Variants in RASAL1 observed in about 807,000 individuals in gnomAD.
RASAL1 encodes rasGAP-activating-like protein 1.
RASAL1 carries 72 observed loss-of-function variants against 96.6 expected under a neutral mutation model. The ratio of observed to expected loss-of-function variants is 0.75; its 90% CI spans 0.62 to 0.91. The LOEUF is 0.91. Ranked by LOEUF, RASAL1 falls within the 40% of genes least tolerant of loss-of-function variation. The pLI is 0.00. For synonymous variants in RASAL1, 405 were observed against 430.4 expected, an observed-to-expected ratio of 0.94 and a Z score of 0.73; for missense variants, 1,016 against 1,072.5, an observed-to-expected ratio of 0.95 and a Z score of 0.74.
chr12:113,136,191 G>A (rs1355462551), upstream of RASAL1: 2 of 152,234 alleles, frequency 1.3e-5, no homozygotes, highest in Non-Finnish European at 2.9e-5. Context: ...AGTCAAGGGA[G>A]GGGCCTTGAA....
At chr12:113,127,977 C>T (rs1359157101) in intron 3 of RASAL1, 88 bp downstream of exon 3, 22 of 1,545,586 alleles carry the variant, frequency 1.4e-5, no homozygotes, top group South Asian at 4.6e-5. Context: ...GGCACACCCT[C>T]GTGGGCTGTG....
chr12:113,117,646 T>C (rs899572221), intron 7 of RASAL1, among the ~76,000 whole-genome samples: 3 of 152,166 alleles, frequency 2.0e-5, no homozygotes, highest in African/African-American at 7.2e-5. Flanking sequence ...TTCACAGACT[T>C]ACCGCAATTA....
At chr12:113,136,469 T>TTTATCCATA (rs1364973269), upstream of RASAL1, among the ~76,000 whole-genome samples, 1 of 152,172 alleles carries the variant, frequency 6.6e-6, no homozygotes, top group East Asian at 1.9e-4. Context: ...TACCCCATTA[T>TTTATCCATA]CCGCAGTTTA....
At chr12:113,114,776 T>A in intron 12 of RASAL1, 24 bp downstream of exon 12, 1 of 1,598,310 alleles carries the variant, frequency 6.3e-7, no homozygotes, top group Non-Finnish European at 8.6e-7. Context: ...CGTCGGAAGG[T>A]CAGGGTCCTC....
chr12:113,105,016 T>C (rs1592888385), intron 16 of RASAL1, among the ~76,000 whole-genome samples: 1 of 152,374 alleles, frequency 6.6e-6, no homozygotes. Flanking sequence ...AGGTCACTCA[T>C]TGGGTGGACC....
At chr12:113,114,689 G>A (rs1951008949) in intron 12 of RASAL1, 111 bp downstream of exon 12, 3 of 853,530 alleles carry the variant, frequency 3.5e-6, no homozygotes, top group Admixed American at 3.7e-5. Context: ...GAGCTCCTGA[G>A]CAGCTGTAGC....
rs746829200 is a variant in RASAL1 at position 113,108,165 on chromosome 12, T to C, written c.1432A>G (p.Ile478Val). Residue 478 changes from isoleucine to valine, a missense_variant, in exon 14 of 21, where the codon ATC becomes GTC. By Grantham distance (29) the Ile-to-Val change is conservative (BLOSUM62 3). Transcript: ENST00000548055. ...AGGTCAAACAGCTTTGGGGTAAGGATGGCAGGTGCGAAGAATCGCAAGAAG... is the reference window on the plus strand; with the variant it reads ...AGGTCAAACAGCTTTGGGGTAAGGACGGCAGGTGCGAAGAATCGCAAGAAG... Reference protein sequence around the residue: ...FLFLRFFAPAILTPKLFDLRD... With the variant: ...FLFLRFFAPAVLTPKLFDLRD... 2 of 1,613,774 alleles carry C rather than the reference T, an allele frequency of 1.2e-6. No individual in the cohort carries two copies. The highest frequency in any genetic ancestry group is 1.7e-5 in the Admixed American group (1 of 59,934).
intron 14 of RASAL1, 104 bp from the exon 15 acceptor site, chr12:113,107,345 G>A (rs1025640416): frequency 2.3e-5 from 30 of 1,325,116 alleles, no homozygotes; most frequent in East Asian, 1.0e-4. Context: ...TCATATTGCC[G>A]GGCACAGTGG....
At position 113,109,681 on chromosome 12, in the gene RASAL1, G is replaced by A. The variant is rs150670339; in HGVS notation, c.1375-1459C>T. ...CATGAAACAATGCCCTCCCCGGGGC[G>A]TGTGCCACCTTCCTGGGGCATCTTG... On this transcript the variant is annotated intron_variant, in intron 13 of 20. Transcript: ENST00000548055. Among the ~76,000 whole-genome samples the A allele has an allele frequency of 4.6e-3, 695 of 152,320 alleles. 2 individuals are homozygous for A. The highest frequency in any genetic ancestry group is 0.016 in the African/African-American group (655 of 41,560).
rs1051332891 is a variant in RASAL1, at chr12:113,108,195, A to G, written c.1402T>C (p.Phe468Leu). The G allele has an allele frequency of 6.2e-7, 1 of 1,613,206 alleles. No individual in the cohort carries two copies. Reference protein sequence around the residue: ...QDVKYLAISGFLFLRFFAPAI... With the variant: ...QDVKYLAISGLLFLRFFAPAI... ...GGTGCGAAGAATCGCAAGAAGAGAAATCCACTGATGGCCAGGTACTTCACA... is the reference window on the plus strand; with the variant it reads ...GGTGCGAAGAATCGCAAGAAGAGAAGTCCACTGATGGCCAGGTACTTCACA... The change falls in exon 14 of 21, where the codon TTT becomes CTT. Residue 468 changes from phenylalanine to leucine, a missense_variant. By Grantham distance (22) the Phe-to-Leu change is conservative. Transcript: ENST00000548055.
At chr12:113,113,504 C>T (rs1448910543) in intron 12 of RASAL1, among the ~76,000 whole-genome samples, 3 of 152,128 alleles carry the variant, frequency 2.0e-5, no homozygotes, top group Non-Finnish European at 2.9e-5. Context: ...AGGAAAAGCC[C>T]TCAACTTGGA....
At position 113,115,534 on chromosome 12, in the gene RASAL1, C is replaced by T. The variant is rs1379769921; in HGVS notation, c.1003+101G>A. ...CACAGGGACCCACAGAAAAAGGAGCCCTTTTTCCCTCTGCCTGAGGCCTCC... is the reference window on the plus strand; with the variant it reads ...CACAGGGACCCACAGAAAAAGGAGCTCTTTTTCCCTCTGCCTGAGGCCTCC... On this transcript the variant is annotated intron_variant, in intron 10 of 20. Coordinates refer to ENST00000548055, the MANE Select transcript of RASAL1 (RefSeq NM_001301202.2). The surrounding 1 kb of genome is among the most constrained non-coding windows in gnomAD (Gnocchi z 4.1). The T allele has an allele frequency of 6.9e-7, 1 of 1,443,890 alleles. No individual in the cohort carries two copies. Among genetic ancestry groups the T allele is most frequent in the Non-Finnish European group, 9.3e-7 (1 of 1,073,266 alleles). The allele number at this position is 1,443,890 out of a possible 1,614,324, so 89.4% of individuals were successfully genotyped here. A position where few individuals can be genotyped will look rare whatever the true frequency, so the allele number is the denominator to read the frequency against.
intron 4 of RASAL1, among the ~76,000 whole-genome samples, chr12:113,123,834 C>T (rs1204828955): frequency 2.0e-5 from 3 of 152,082 alleles, no homozygotes; most frequent in Non-Finnish European, 2.9e-5. Flanking sequence ...CCGCCAGCCT[C>T]GGCCTCCCAA....
At chr12:113,114,749 G>T in intron 12 of RASAL1, 51 bp downstream of exon 12, 2 of 1,502,958 alleles carry the variant, frequency 1.3e-6, no homozygotes, top group South Asian at 1.1e-5. Flanking sequence ...ACAAGGCTCC[G>T]GGTAGCCAAA....
intron 4 of RASAL1, among the ~76,000 whole-genome samples, chr12:113,123,442 T>G (rs1951367000): frequency 6.6e-6 from 1 of 152,246 alleles, no homozygotes. Context: ...AGAATTCTCA[T>G]GTTGAGTAAC....
intron 1 of RASAL1, among the ~76,000 whole-genome samples, chr12:113,133,367 CAG>C (rs1008882094): frequency 5.9e-5 from 9 of 152,292 alleles, no homozygotes; most frequent in African/African-American, 1.9e-4. Context: ...ATGGAGTAGT[CAG>C]AGTTCAAATC....
chr12:113,105,908 C>T (rs188851054), intron 15 of RASAL1, 22 bp from the exon 16 acceptor site: 93 of 1,601,806 alleles, frequency 5.8e-5, no homozygotes, highest in East Asian at 5.1e-4. Context: ...GAGAAGAGAG[C>T]GGTGGACAGT....
chr12:113,103,232 A>G (rs1488719666), intron 18 of RASAL1: 1 of 146,942 alleles, frequency 6.8e-6, no homozygotes, highest in Admixed American at 6.9e-5. Flanking sequence ...TATAATAACA[A>G]TGTTATTATT....
intron 4 of RASAL1, among the ~76,000 whole-genome samples, chr12:113,127,130 C>T (rs1203631917): frequency 6.6e-6 from 1 of 151,680 alleles, no homozygotes; most frequent in Non-Finnish European, 1.5e-5. Flanking sequence ...CTCAAGCGAT[C>T]CTCCTGCCTC....
Sources: allele counts gnomAD v4.1 joint callset (sites outside exome capture counted in the v4.1 genomes callset), GRCh38; gene constraint gnomAD v4.1.1; non-coding constraint Gnocchi (gnomAD v3.1); transcripts MANE v1.5; gene names NCBI Gene and HGNC (gene_info 2026-07-23, HGNC 2026-07-21).